Variants in INPP4B observed in about 807,000 individuals in gnomAD.
INPP4B encodes inositol polyphosphate-4-phosphatase type II B.
INPP4B carries 55 observed loss-of-function variants against 122.5 expected under a neutral mutation model. The observed-to-expected ratio is 0.45, with a 90% CI of 0.36 to 0.56. INPP4B has a LOEUF of 0.56. Among genes scored for constraint, INPP4B ranks in the 20% least tolerant of loss-of-function variants. The probability of loss-of-function intolerance (pLI) is 0.00; values close to 1 mark genes in which losing one functional copy is unlikely to be tolerated. For synonymous variants in INPP4B, 403 were observed against 388.7 expected (o/e 1.04, Z -0.43); for missense variants, 1,000 against 1,097.7 (o/e 0.91, Z 1.26).
intron 2 of INPP4B, among the ~76,000 whole-genome samples, chr4:142,528,823 G>T (rs924735963): frequency 6.6e-6 from 1 of 152,052 alleles, no homozygotes; most frequent in Non-Finnish European, 1.5e-5. Context: ...AGTTATTCAG[G>T]CTTGGGTATT....
At chr4:142,468,896 T>C (rs1396960468) in intron 2 of INPP4B, among the ~76,000 whole-genome samples, 3 of 152,230 alleles carry the variant, frequency 2.0e-5, no homozygotes, top group Non-Finnish European at 2.9e-5. Context: ...TGAGAACCCA[T>C]ACATTTGTTC....
chr4:142,399,189 C>CTTTTT lies in INPP4B; in HGVS notation c.372+3744_372+3748dup, dbSNP rs70949166. On this transcript the variant is annotated intron_variant, in intron 7 of 25. Transcript: ENST00000262992. ...CTTTTCCTTTCTAAATTTCCTTTTG[C>CTTTTT]TTTTTTTTTTTTTTTTTTTTTTTTT... is the stretch of plus-strand genomic sequence containing the variant. 2.1e-3 allele frequency among the ~76,000 whole-genome samples: 120 copies of CTTTTT among 56,986 alleles called. 15 individuals carry two copies. Among genetic ancestry groups the CTTTTT allele is most frequent in the African/African-American group, 7.6e-3 (108 of 14,294 alleles). The allele number at this position is 56,986 out of a possible 152,430, so 37.4% of individuals were successfully genotyped here.
At position 142,028,229 on chromosome 4, in the gene INPP4B, T is replaced by C. The variant is rs1322523684; in HGVS notation, c.*553A>G. On this transcript the variant is annotated 3_prime_UTR_variant, in exon 26 of 26. Coordinates refer to ENST00000262992, the MANE Select transcript of INPP4B (RefSeq NM_001101669.3). The stretch of plus-strand genomic sequence containing the variant: ...TCACACCTTGACTGGATGATAGAGA[T>C]CATTGTGGAACATACCTGCAAACTG... 3.5e-5 allele frequency: 8 copies of C among 227,640 alleles called. No homozygotes were observed. The highest frequency in any genetic ancestry group is 1.8e-4 in the African/African-American group (8 of 45,036). The allele number at this position is 227,640 out of a possible 1,614,324, so 14.1% of individuals were successfully genotyped here.
chr4:142,147,972 G>C (rs1483915961), intron 17 of INPP4B, among the ~76,000 whole-genome samples: 1 of 152,124 alleles, frequency 6.6e-6, no homozygotes, highest in Non-Finnish European at 1.5e-5. Context: ...TTGACATCTG[G>C]ATTGGGATTT....
At chr4:142,732,943 G>A (rs1766315581) in intron 1 of INPP4B, among the ~76,000 whole-genome samples, 1 of 152,072 alleles carries the variant, frequency 6.6e-6, no homozygotes, top group Non-Finnish European at 1.5e-5. Flanking sequence ...AATTAAGACA[G>A]TAACTGGTAC....
chr4:142,395,950 A>T (rs1427006904), intron 7 of INPP4B, among the ~76,000 whole-genome samples: 2 of 152,166 alleles, frequency 1.3e-5, no homozygotes, highest in African/African-American at 4.8e-5. Context: ...CAATTATGCA[A>T]GAAGAATAAG....
rs755548382 is a variant in INPP4B, at chr4:142,124,594, G to T, written c.1887C>A (p.Ser629Arg). 4 of 1,613,096 alleles carry T rather than the reference G, an allele frequency of 2.5e-6. No individual in the cohort carries two copies. The highest frequency in any genetic ancestry group is 8.5e-7 in the Non-Finnish European group (1 of 1,179,414). The change falls in exon 19 of 26, where the codon AGC becomes AGA. Residue 629 changes from serine to arginine, a missense_variant. Coordinates refer to ENST00000262992, the MANE Select transcript of INPP4B (RefSeq NM_001101669.3). ...MLTLRRDIVF[S>R]QALAGLVCGF... Reference sequence around the variant, plus strand: ...AATAACAACAGGCACCTACTGCTTGGCTGAAGACGATGTCTCTTCTTAGCG... The same window carrying T: ...AATAACAACAGGCACCTACTGCTTGTCTGAAGACGATGTCTCTTCTTAGCG...
chr4:142,764,434 T>C (rs370120339), intron 1 of INPP4B, among the ~76,000 whole-genome samples: 1 of 152,070 alleles, frequency 6.6e-6, no homozygotes. Context: ...CACAGCACCA[T>C]ACTGGGCTGA....
chr4:142,478,995 G>T (rs1412464362), intron 2 of INPP4B, among the ~76,000 whole-genome samples: 1 of 152,116 alleles, frequency 6.6e-6, no homozygotes, highest in Non-Finnish European at 1.5e-5. Flanking sequence ...AAGAGCTTCT[G>T]CACAGAAAAG....
intron 12 of INPP4B, among the ~76,000 whole-genome samples, chr4:142,223,192 G>GCACACA (rs147785040): frequency 6.8e-6 from 1 of 147,004 alleles, no homozygotes; most frequent in African/African-American, 2.5e-5. Context: ...ATATGTGCAT[G>GCACACA]CACACACACA....
chr4:142,416,357 T>C (rs1281880371), intron 5 of INPP4B, among the ~76,000 whole-genome samples: 1 of 152,136 alleles, frequency 6.6e-6, no homozygotes, highest in African/African-American at 2.4e-5. Context: ...TACCAAATCC[T>C]GAGCATGCTT....
chr4:142,729,220 C>A (rs1027635123), intron 1 of INPP4B, among the ~76,000 whole-genome samples: 1 of 152,176 alleles, frequency 6.6e-6, no homozygotes, highest in African/African-American at 2.4e-5. Flanking sequence ...GTCCACCACT[C>A]ATCTCCCACT....
chr4:142,115,871 T>A (rs1793008181), intron 21 of INPP4B, among the ~76,000 whole-genome samples: 1 of 152,116 alleles, frequency 6.6e-6, no homozygotes, highest in South Asian at 2.1e-4. Flanking sequence ...ACTGGCAAAT[T>A]GGATAAAAAG....
chr4:142,641,140 C>A (rs1338508252), intron 2 of INPP4B, among the ~76,000 whole-genome samples: 1 of 152,092 alleles, frequency 6.6e-6, no homozygotes, highest in African/African-American at 2.4e-5. Context: ...TACAGCAGCA[C>A]TGTCTGTAAT....
At chr4:142,038,858 A>AT (rs975217461) in intron 25 of INPP4B, among the ~76,000 whole-genome samples, 22 of 152,082 alleles carry the variant, frequency 1.4e-4, no homozygotes, top group Admixed American at 3.3e-4. Flanking sequence ...CTTTTTAGAT[A>AT]TTTTTTTTCA....
intron 1 of INPP4B, among the ~76,000 whole-genome samples, chr4:142,824,125 G>GC (rs145179233): frequency 0.021 from 3,193 of 151,916 alleles, 107 homozygotes; most frequent in African/African-American, 0.073. Flanking sequence ...TTAAACCATG[G>GC]CCCCCCCAGG....
At chr4:142,809,395 G>A (rs1237663992) in intron 1 of INPP4B, among the ~76,000 whole-genome samples, 2 of 151,922 alleles carry the variant, frequency 1.3e-5, no homozygotes, top group African/African-American at 4.8e-5. Context: ...TTCACTCTTT[G>A]AAAAAACAAA....
intron 2 of INPP4B, among the ~76,000 whole-genome samples, chr4:142,488,628 G>T (rs1213518378): frequency 6.6e-6 from 1 of 151,990 alleles, no homozygotes; most frequent in East Asian, 1.9e-4. Context: ...TTTTTTAAGA[G>T]AATTCTTCAT....
intron 2 of INPP4B, among the ~76,000 whole-genome samples, chr4:142,638,911 T>C (rs1377705511): frequency 6.6e-6 from 1 of 152,158 alleles, no homozygotes; most frequent in African/African-American, 2.4e-5. Flanking sequence ...GCCTATAGGC[T>C]TTTTTGTGGA....
Sources: gnomAD v4.1 joint callset for allele counts (sites outside exome capture counted in the v4.1 genomes callset) on GRCh38, gnomAD v4.1.1 for gene constraint, MANE v1.5 for transcripts, NCBI Gene and HGNC (gene_info 2026-07-23, HGNC 2026-07-21) for gene names.